The following TIAM1 variants were observed in gnomAD, a reference collection of about 807,000 sequenced individuals.
The protein encoded by TIAM1 is TIAM Rac1 associated GEF 1.
Under a neutral mutation model 163.5 loss-of-function variants are expected in TIAM1, and 65 were observed. That is an observed-to-expected ratio of 0.40 (90% CI 0.33 to 0.49). TIAM1 has a LOEUF of 0.49. TIAM1 is among the 20% of genes least tolerant of loss of function. The probability of loss-of-function intolerance (pLI) is 0.77; values close to 1 mark genes in which losing one functional copy is unlikely to be tolerated. For missense variants in TIAM1, 1,789 were observed against 2,044.7 expected (o/e 0.87, Z 2.41); for synonymous variants, 833 against 810.1 (o/e 1.03, Z -0.48).
chr21:31,447,077 G>C (rs1281303605), intron 2 of TIAM1, among the ~76,000 whole-genome samples: 1 of 151,996 alleles, frequency 6.6e-6, no homozygotes, highest in Non-Finnish European at 1.5e-5. Flanking sequence ...GGACAGGATA[G>C]GGTAGGATAA....
chr21:31,212,890 G>T (rs887405816), intron 10 of TIAM1: 1 of 153,832 alleles, frequency 6.5e-6, no homozygotes, highest in African/African-American at 2.4e-5. Context: ...TTACAGGCGT[G>T]AGCCACCACA....
At chr21:31,138,555 T>C (rs1289436007) in intron 22 of TIAM1, among the ~76,000 whole-genome samples, 1 of 152,216 alleles carries the variant, frequency 6.6e-6, no homozygotes, top group African/African-American at 2.4e-5. Flanking sequence ...AATCTGAATA[T>C]AATTTGGGTA....
chr21:31,487,551 TGTA>T lies in TIAM1; in HGVS notation c.-421-23519_-421-23517del, dbSNP rs1187016576. Among the ~76,000 whole-genome samples, 249 of 98,284 alleles carry T rather than the reference TGTA, an allele frequency of 2.5e-3. 8 individuals carry two copies. Among genetic ancestry groups the T allele is most frequent in the African/African-American group, 8.9e-3 (222 of 24,818 alleles). 64.5% of individuals were successfully genotyped at this position (98,284 alleles called of 152,430 possible). ...ATGCCCAGCTAATTTTTTTTTTTTTTGTATTTTTTTTTTTTTTGAGACGGAGTC... is the reference window on the plus strand; with the variant it reads ...ATGCCCAGCTAATTTTTTTTTTTTTTTTTTTTTTTTTTTTGAGACGGAGTC... On this transcript the variant is annotated intron_variant, in intron 1 of 28. Coordinates refer to the TIAM1 transcript ENST00000286827.
chr21:31,141,459 G>A lies in TIAM1; in HGVS notation c.3521C>T (p.Pro1174Leu). ...AFKAFLDAQN[P>L]KQQHSSTLES... is the part of the protein sequence containing the mutation. ...CAGCGTGGATGAGTGCTGCTGCTTCGGGTTCTGGGCATCCAAGAATGCCTT... is the reference window on the plus strand; with the variant it reads ...CAGCGTGGATGAGTGCTGCTGCTTCAGGTTCTGGGCATCCAAGAATGCCTT... Residue 1174 changes from proline (P) to leucine (L), a missense_variant, in exon 21 of 28, where the codon CCG becomes CTG. Pro to Leu is a moderately conservative substitution (Grantham distance 98, BLOSUM62 -3). This residue lies in a region of TIAM1 where 60 missense variants were observed against 132.6 expected (regional missense o/e 0.45). Transcript: ENST00000541036. The surrounding 1 kb of genome is among the most constrained non-coding windows in gnomAD (Gnocchi z 4.7). 1.9e-6 allele frequency: 3 copies of A among 1,614,186 alleles called. No homozygotes were observed. The highest frequency in any genetic ancestry group is 2.5e-6 in the Non-Finnish European group (3 of 1,180,038).
chr21:31,206,563 T>A (rs954682824), intron 11 of TIAM1, among the ~76,000 whole-genome samples: 4 of 152,346 alleles, frequency 2.6e-5, no homozygotes, highest in Non-Finnish European at 2.9e-5. Context: ...AAATTTGTTT[T>A]CCAATGTACA....
At chr21:31,165,117 A>T in intron 15 of TIAM1, 52 bp from the exon 16 acceptor site, 1 of 1,556,756 alleles carries the variant, frequency 6.4e-7, no homozygotes, top group South Asian at 1.1e-5. Context: ...AGTAATTGCT[A>T]AAAGCCACCC....
At chr21:31,551,117 G>T (rs187736245) in intron 1 of TIAM1, among the ~76,000 whole-genome samples, 12 of 152,338 alleles carry the variant, frequency 7.9e-5, no homozygotes, top group African/African-American at 2.4e-4. Flanking sequence ...GGGAGGCTGA[G>T]GCAAGAGAAT....
At chr21:31,407,526 T>C (rs2077266913) in intron 2 of TIAM1, among the ~76,000 whole-genome samples, 1 of 152,032 alleles carries the variant, frequency 6.6e-6, no homozygotes. Flanking sequence ...ATACCCTGGT[T>C]AAAACCAAAA....
chr21:31,440,739 G>A (rs1170808632), intron 2 of TIAM1, among the ~76,000 whole-genome samples: 3 of 152,132 alleles, frequency 2.0e-5, no homozygotes, highest in Admixed American at 1.3e-4. Context: ...AAATTAGCTG[G>A]GTGTGGTGGC....
intron 2 of TIAM1, among the ~76,000 whole-genome samples, chr21:31,427,131 G>A (rs1296500251): frequency 1.3e-5 from 2 of 152,088 alleles, no homozygotes; most frequent in East Asian, 1.9e-4. Flanking sequence ...TATTGCCCAG[G>A]TTGGACAAAT....
Position 31,245,505 on chromosome 21 carries a change from C to A in TIAM1, c.1567G>T (p.Asp523Tyr). Reference sequence around the variant, plus strand: ...CAACAAACCTGAAAAAGGAAGGCATCACCCAGGGAATTGCTGAGGCAGAAG... The same window carrying A: ...CAACAAACCTGAAAAAGGAAGGCATAACCCAGGGAATTGCTGAGGCAGAAG... The part of the protein sequence containing the change: ...FVFCLSNSLG[D>Y]AFLFQTTSQT... Residue 523 changes from aspartate (D) to tyrosine (Y), a missense_variant, in exon 6 of 28, where the codon GAT (aspartate) becomes TAT (tyrosine). Around this residue, in one of 5 missense-constraint regions of TIAM1, gnomAD observed 456 missense variants for 586.6 expected, o/e 0.78. Transcript: ENST00000541036. The A allele has an allele frequency of 6.6e-7, 1 of 1,516,964 alleles. No homozygotes were observed. 94.0% of individuals were successfully genotyped at this position (1,516,964 alleles called of 1,614,324 possible).
intron 15 of TIAM1, among the ~76,000 whole-genome samples, chr21:31,168,503 C>A (rs1223952331): frequency 2.0e-5 from 3 of 151,908 alleles, no homozygotes; most frequent in African/African-American, 7.3e-5. Context: ...CGGGTTCACA[C>A]CATTCTCCTG....
At chr21:31,195,766 C>T (rs1322096901) in intron 12 of TIAM1, among the ~76,000 whole-genome samples, 1 of 152,146 alleles carries the variant, frequency 6.6e-6, no homozygotes, top group Non-Finnish European at 1.5e-5. Context: ...AAACAAATTA[C>T]GTAAAGGAGG....
intron 1 of TIAM1, among the ~76,000 whole-genome samples, chr21:31,520,286 G>A (rs765301609): frequency 6.6e-5 from 10 of 150,432 alleles, no homozygotes; most frequent in African/African-American, 1.2e-4. Context: ...AGCTGAGATC[G>A]CGCCATTGCA....
At chr21:31,396,561 A>G (rs1419190687) in intron 2 of TIAM1, among the ~76,000 whole-genome samples, 2 of 148,876 alleles carry the variant, frequency 1.3e-5, no homozygotes, top group African/African-American at 4.9e-5. Flanking sequence ...TAATAAATGT[A>G]AAATGTTTAA....
intron 4 of TIAM1, among the ~76,000 whole-genome samples, chr21:31,257,123 A>G (rs1000610543): frequency 2.0e-5 from 3 of 152,276 alleles, no homozygotes; most frequent in Non-Finnish European, 2.9e-5. Context: ...CGTTCTCTAC[A>G]TTATAAATTA....
chr21:31,452,941 C>A (rs1449043765), intron 2 of TIAM1: 6 of 513,690 alleles, frequency 1.2e-5, no homozygotes, highest in Non-Finnish European at 2.0e-5. Context: ...GTGGAAGATG[C>A]GTTCTACAAA....
chr21:31,249,894 A>G lies in TIAM1; in HGVS notation c.1411+1848T>C, dbSNP rs111363244. ...GTTCTAGGAGGCCGGGCACCAATGC[A>G]ACTGTAAACCCAAGGCCAAAGCAGG... On this transcript the variant is annotated intron_variant, in intron 5 of 27. Coordinates refer to ENST00000541036, the MANE Select transcript of TIAM1 (RefSeq NM_001353694.2). Among the ~76,000 whole-genome samples, 542 of 152,306 alleles carry G rather than the reference A, an allele frequency of 3.6e-3. 1 individual carries two copies. The highest frequency in any genetic ancestry group is 0.012 in the African/African-American group (515 of 41,558).
chr21:31,430,239 T>TACAC (rs2043970105), intron 2 of TIAM1, among the ~76,000 whole-genome samples: 1 of 132,744 alleles, frequency 7.5e-6, no homozygotes, highest in African/African-American at 3.2e-5. Context: ...TATATATATA[T>TACAC]ATATATATAC....
Sources: allele counts gnomAD v4.1 joint callset (sites outside exome capture counted in the v4.1 genomes callset), GRCh38; gene constraint gnomAD v4.1.1; regional missense constraint gnomAD v4.1.1; non-coding constraint Gnocchi (gnomAD v3.1); transcripts MANE v1.5; gene names NCBI Gene and HGNC (gene_info 2026-07-23, HGNC 2026-07-21).